The following DPP6 variants were observed in gnomAD, a reference collection of about 807,000 sequenced individuals.
DPP6 encodes the protein A-type potassium channel modulatory protein DPP6.
A neutral mutation model predicts 122.6 loss-of-function variants in DPP6; 69 were observed. That is an observed-to-expected ratio of 0.56 (90% CI 0.46 to 0.69). The LOEUF is 0.69. Ranked by LOEUF, DPP6 falls within the 30% of genes least tolerant of loss-of-function variation. The pLI is 0.00. For synonymous variants in DPP6, 418 were observed against 433.1 expected, an observed-to-expected ratio of 0.97 and a Z score of 0.43; for missense variants, 928 against 1,116.9, an observed-to-expected ratio of 0.83 and a Z score of 2.41.
rs764321205 is a variant in DPP6 at position 154,172,723 on chromosome 7, C to T, written c.243+119660C>T. On this transcript the variant is annotated intron_variant, in intron 1 of 25. Transcript: ENST00000377770. ...GCAAGTGATCCTCCCACTTCAGCCT[C>T]CCGAGTAGCTGGGACTACAGGTGCC... 2.2e-4 allele frequency among the ~76,000 whole-genome samples: 33 copies of T among 151,610 alleles called. 1 individual carries two copies. The highest frequency in any genetic ancestry group is 6.2e-4 in the South Asian group (3 of 4,806).
At chr7:154,120,747 AT>A (rs1276353541) in intron 1 of DPP6, among the ~76,000 whole-genome samples, 1 of 152,258 alleles carries the variant, frequency 6.6e-6, no homozygotes, top group Non-Finnish European at 1.5e-5. Context: ...CTCTGGTTTC[AT>A]GCAAAGTTGA....
chr7:154,283,659 A>G (rs540627416), intron 1 of DPP6, among the ~76,000 whole-genome samples: 3 of 152,296 alleles, frequency 2.0e-5, no homozygotes, highest in African/African-American at 7.2e-5. Flanking sequence ...GAGTCGTCCT[A>G]TGTAGACAGA....
chr7:153,852,643 C>T, the DPP6 span, among the ~76,000 whole-genome samples: 503 of 152,124 alleles, frequency 3.3e-3, 7 homozygotes, highest in South Asian at 2.5e-3. Context: ...CAGATGCACA[C>T]GAAGGACATA....
At chr7:154,511,256 T>C (rs1826073317) in intron 3 of DPP6, among the ~76,000 whole-genome samples, 1 of 152,090 alleles carries the variant, frequency 6.6e-6, no homozygotes, top group Non-Finnish European at 1.5e-5. Flanking sequence ...TAGCATGCAT[T>C]ATCTCTTTTA....
rs1469719287 is a variant in DPP6 at position 154,833,760 on chromosome 7, T to C, written c.1667-20020T>C. Among the ~76,000 whole-genome samples the C allele has an allele frequency of 6.6e-6, 1 of 152,178 alleles. No individual in the cohort carries two copies. Among genetic ancestry groups the C allele is most frequent in the Non-Finnish European group, 1.5e-5 (1 of 68,024 alleles). ...TAGCAGCTGATGAGTTTCCATTCTG[T>C]GCAAAAAATTACACTAAAATGACCA... On this transcript the variant is annotated intron_variant, in intron 16 of 25. Coordinates refer to ENST00000377770, the MANE Select transcript of DPP6 (RefSeq NM_130797.4). This position sits in a 1 kb window ranked among gnomAD's most constrained non-coding sequence, Gnocchi z 4.3.
intron 1 of DPP6, among the ~76,000 whole-genome samples, chr7:154,043,393 C>T (rs1313193209): frequency 1.7e-4 from 1 of 5,886 alleles, no homozygotes; most frequent in Non-Finnish European, 3.2e-4. Context: ...AACTCCATCT[C>T]AAAAAAAAAA....
At chr7:154,247,752 G>T (rs1451012575) in intron 1 of DPP6, among the ~76,000 whole-genome samples, 1 of 151,936 alleles carries the variant, frequency 6.6e-6, no homozygotes, top group Non-Finnish European at 1.5e-5. Context: ...GCACTCTTAG[G>T]TATTTACCCA....
chr7:154,575,198 T>C (rs1246980993), intron 5 of DPP6, among the ~76,000 whole-genome samples: 61,076 of 125,228 alleles, frequency 0.49, 14,415 homozygotes, highest in East Asian at 0.92. Context: ...GTGGTGTGTG[T>C]GGTGTCTGTG....
At chr7:153,916,136 T>G (rs1411579847) in intron 1 of DPP6, among the ~76,000 whole-genome samples, 1 of 141,958 alleles carries the variant, frequency 7.0e-6, no homozygotes, top group African/African-American at 2.6e-5. Flanking sequence ...CTGGCTAATG[T>G]TTTTTTTTTT....
chr7:154,763,708 C>T (rs1025400081), intron 8 of DPP6, among the ~76,000 whole-genome samples: 2 of 152,198 alleles, frequency 1.3e-5, no homozygotes, highest in African/African-American at 4.8e-5. Flanking sequence ...AGAGAAACAG[C>T]AGCAAGTTCA....
chr7:154,830,629 C>T (rs1170351065), intron 16 of DPP6, among the ~76,000 whole-genome samples: 1 of 152,226 alleles, frequency 6.6e-6, no homozygotes, highest in Non-Finnish European at 1.5e-5. Flanking sequence ...AGGGTAGCAC[C>T]TGCACCAAGT....
At chr7:154,442,213 G>A (rs902797708) in intron 1 of DPP6, among the ~76,000 whole-genome samples, 2 of 152,150 alleles carry the variant, frequency 1.3e-5, no homozygotes, top group African/African-American at 4.8e-5. Flanking sequence ...ACATTGAGAC[G>A]TTGAACACAG....
At chr7:153,780,152 A>C in the DPP6 span, among the ~76,000 whole-genome samples, 11 of 152,286 alleles carry the variant, frequency 7.2e-5, no homozygotes, top group South Asian at 2.1e-3. Flanking sequence ...ATGAATGTTC[A>C]GAGAAGTAAG....
intron 1 of DPP6, among the ~76,000 whole-genome samples, chr7:154,212,990 G>C (rs1799817989): frequency 6.6e-6 from 1 of 152,192 alleles, no homozygotes; most frequent in Non-Finnish European, 1.5e-5. Context: ...AGGAACAAGG[G>C]CATTGGAGCA....
chr7:154,849,002 C>A (rs1336738274), intron 16 of DPP6, among the ~76,000 whole-genome samples: 2 of 152,124 alleles, frequency 1.3e-5, no homozygotes, highest in African/African-American at 2.4e-5. Context: ...GGCTCTCTAT[C>A]CTATTCCATT....
chr7:154,616,061 T>C (rs1340676404), intron 5 of DPP6, among the ~76,000 whole-genome samples: 3 of 152,180 alleles, frequency 2.0e-5, no homozygotes, highest in Non-Finnish European at 4.4e-5. Flanking sequence ...AGATTTTTGA[T>C]AAGAACAGGA....
chr7:154,701,902 C>T (rs1209638379), intron 7 of DPP6, among the ~76,000 whole-genome samples: 1 of 152,246 alleles, frequency 6.6e-6, no homozygotes, highest in Non-Finnish European at 1.5e-5. Context: ...CATCTCATTG[C>T]ACTTCACTGT....
At chr7:153,996,280 T>TA (rs1563085319) in intron 1 of DPP6, among the ~76,000 whole-genome samples, 2 of 152,222 alleles carry the variant, frequency 1.3e-5, no homozygotes, top group African/African-American at 4.8e-5. Flanking sequence ...TAGGATGAAA[T>TA]AAAAGTGTTC....
chr7:153,901,291 T>C (rs1799629698), intron 1 of DPP6, among the ~76,000 whole-genome samples: 1 of 152,218 alleles, frequency 6.6e-6, no homozygotes. Context: ...CCTGCAAATA[T>C]ATGGGAAGTG....
Sources: gnomAD v4.1 joint callset for allele counts (sites outside exome capture counted in the v4.1 genomes callset) on GRCh38, gnomAD v4.1.1 for gene constraint, Gnocchi (gnomAD v3.1) non-coding constraint, MANE v1.5 for transcripts, NCBI Gene and HGNC (gene_info 2026-07-23, HGNC 2026-07-21) for gene names.